Variants in TULP4 observed in about 807,000 individuals in gnomAD.
TULP4 encodes the protein TUB like protein 4, also known as tubby-related protein 4.
A neutral mutation model predicts 129.0 loss-of-function variants in TULP4; 16 were observed. That is an observed-to-expected ratio of 0.12 (90% CI 0.08 to 0.19). The LOEUF is 0.19. TULP4 is among the 10% of genes least tolerant of loss of function. The probability of loss-of-function intolerance (pLI) is 1.00; values close to 1 mark genes in which losing one functional copy is unlikely to be tolerated. For synonymous variants in TULP4, 998 were observed against 854.0 expected (o/e 1.17, Z -2.94); for missense variants, 1,842 against 2,059.1 (o/e 0.89, Z 2.04).
chr6:158,232,673 T>G (rs1777619658), intron 1 of TULP4, among the ~76,000 whole-genome samples: 1 of 152,064 alleles, frequency 6.6e-6, no homozygotes, highest in South Asian at 2.1e-4. Flanking sequence ...TTTTTTTTTC[T>G]TAATTGTGGA....
chr6:158,427,697 T>C (rs933474196), intron 2 of TULP4: 1 of 152,044 alleles, frequency 6.6e-6, no homozygotes, highest in Non-Finnish European at 1.5e-5. Flanking sequence ...TTTCACCATG[T>C]TGGCCAGATG....
intron 1 of TULP4, among the ~76,000 whole-genome samples, chr6:158,292,034 T>C (rs151332147): frequency 2.8e-4 from 43 of 152,360 alleles, no homozygotes; most frequent in African/African-American, 9.9e-4. Context: ...AATTTTTAAT[T>C]GTAAACAGAT....
intron 3 of TULP4, among the ~76,000 whole-genome samples, chr6:158,438,688 G>T (rs1177526518): frequency 6.6e-6 from 1 of 151,986 alleles, no homozygotes; most frequent in African/African-American, 2.4e-5. Context: ...GGGTTCAAGT[G>T]ATTCTCCTAC....
chr6:158,322,294 A>T (rs548671423), intron 1 of TULP4, among the ~76,000 whole-genome samples: 1 of 152,212 alleles, frequency 6.6e-6, no homozygotes, highest in Non-Finnish European at 1.5e-5. Context: ...GATATAATGG[A>T]GGGCTGTTTT....
intron 1 of TULP4, among the ~76,000 whole-genome samples, chr6:158,350,529 A>C (rs1365884091): frequency 1.3e-5 from 2 of 152,154 alleles, no homozygotes; most frequent in Non-Finnish European, 2.9e-5. Context: ...GCTGGAGACC[A>C]GCCCGGTCAA....
chr6:158,440,937 C>T (rs1778881436), intron 3 of TULP4, among the ~76,000 whole-genome samples: 1 of 152,164 alleles, frequency 6.6e-6, no homozygotes, highest in Non-Finnish European at 1.5e-5. Context: ...CCTTTGTTAT[C>T]TCTGGACTCA....
chr6:158,434,507 A>G (rs79696043), intron 3 of TULP4, among the ~76,000 whole-genome samples: 4,232 of 152,290 alleles, frequency 0.028, 64 homozygotes, highest in South Asian at 0.051. Flanking sequence ...AGTTCTGGAA[A>G]CATCCAGCAT....
At chr6:158,462,747 CTTTTTT>C (rs56829575) in intron 6 of TULP4, among the ~76,000 whole-genome samples, 87 of 127,842 alleles carry the variant, frequency 6.8e-4, no homozygotes, top group Admixed American at 8.9e-4. Context: ...TTTTTTTTTC[CTTTTTT>C]TTTTTTTTTT....
At chr6:158,385,798 T>C (rs1481088636) in intron 1 of TULP4, among the ~76,000 whole-genome samples, 3 of 143,802 alleles carry the variant, frequency 2.1e-5, no homozygotes, top group African/African-American at 7.7e-5. Flanking sequence ...TATGATGACA[T>C]GCAGCTCAGC....
intron 1 of TULP4, among the ~76,000 whole-genome samples, chr6:158,394,778 C>G (rs1277559036): frequency 1.5e-5 from 1 of 66,166 alleles, no homozygotes; most frequent in Non-Finnish European, 2.8e-5. Flanking sequence ...CTGAGCAAGG[C>G]TCTGTCTCAA....
chr6:158,255,268 G>GC (rs1330454023), intron 1 of TULP4, among the ~76,000 whole-genome samples: 2 of 152,060 alleles, frequency 1.3e-5, no homozygotes, highest in African/African-American at 4.8e-5. Context: ...TTGATAACCG[G>GC]CAGACCCTGT....
chr6:158,294,718 TTTCTTCTTTC>T (rs1440939733), intron 1 of TULP4, among the ~76,000 whole-genome samples: 1 of 152,136 alleles, frequency 6.6e-6, no homozygotes, highest in East Asian at 1.9e-4. Flanking sequence ...CTTCCTCTTT[TTTCTTCTTTC>T]TTCTTCTTCT....
intron 1 of TULP4, among the ~76,000 whole-genome samples, chr6:158,322,846 A>G (rs1779669082): frequency 6.6e-6 from 1 of 152,204 alleles, no homozygotes; most frequent in Non-Finnish European, 1.5e-5. Flanking sequence ...CTCTATTTGC[A>G]TTTCCATTAG....
rs778431472 is a variant in TULP4 at position 158,501,963 on chromosome 6, T to G, written c.2300T>G (p.Ile767Ser). Reference protein sequence around the residue: ...IFGSVEMGRIIQNPPPLSLPP... With the variant: ...IFGSVEMGRISQNPPPLSLPP... ...GGAAGCGTGGAAATGGGCCGCATCA[T>G]TCAGAACCCCCCTCCACTGTCCCTG... Residue 767 changes from isoleucine to serine, a missense_variant, in exon 13 of 14, where the codon ATT (isoleucine) becomes AGT (serine). Physicochemically the swap from Ile to Ser is moderately radical, Grantham distance 142. This residue lies in a region of TULP4 where 1,089 missense variants were observed against 987.1 expected (regional missense o/e 1.10). Transcript: ENST00000367097. 6.2e-7 allele frequency: 1 copy of G among 1,613,872 alleles called. No individual in the cohort carries two copies. The highest frequency in any genetic ancestry group is 8.5e-7 in the Non-Finnish European group (1 of 1,179,964).
At chr6:158,395,139 A>G (rs546969665) in intron 1 of TULP4, among the ~76,000 whole-genome samples, 26 of 152,280 alleles carry the variant, frequency 1.7e-4, no homozygotes, top group African/African-American at 5.8e-4. Context: ...CACAAATCCA[A>G]ATCATATCAG....
chr6:158,354,847 C>T (rs1214439240), intron 1 of TULP4, among the ~76,000 whole-genome samples: 2 of 137,810 alleles, frequency 1.5e-5, no homozygotes, highest in South Asian at 2.4e-4. Context: ...ATAACTGCGC[C>T]ACTGTACTCC....
At chr6:158,490,310 C>T (rs1270897087) in intron 9 of TULP4, among the ~76,000 whole-genome samples, 1 of 152,178 alleles carries the variant, frequency 6.6e-6, no homozygotes, top group Non-Finnish European at 1.5e-5. Context: ...GCAGGAGAAT[C>T]ACTTGAATCC....
chr6:158,487,878 T>C lies in TULP4; in HGVS notation c.1487-1710T>C, dbSNP rs1278781934. Among the ~76,000 whole-genome samples, 5 of 152,378 alleles carry C rather than the reference T, an allele frequency of 3.3e-5. No homozygotes were observed. The East Asian group carries it at 9.6e-4, about 29-fold the overall frequency. On this transcript the variant is annotated intron_variant, in intron 8 of 13. Coordinates refer to ENST00000367097, the MANE Select transcript of TULP4 (RefSeq NM_020245.5). ...CAGAAAGTATTTATCAAGTCTCAGG[T>C]ATTGTTCTAGTCTCTGGGGTTAAAG...
chr6:158,494,573 C>T (rs1391488304), intron 10 of TULP4, among the ~76,000 whole-genome samples, 180 bp from the exon 11 acceptor site: 1 of 152,178 alleles, frequency 6.6e-6, no homozygotes, highest in African/African-American at 2.4e-5. Flanking sequence ...CTCACTGCTG[C>T]GTGCCTGGCT....
Sources: gnomAD v4.1 joint callset for allele counts (sites outside exome capture counted in the v4.1 genomes callset) on GRCh38, gnomAD v4.1.1 for gene constraint, gnomAD v4.1.1 regional missense constraint, MANE v1.5 for transcripts, NCBI Gene and HGNC (gene_info 2026-07-23, HGNC 2026-07-21) for gene names.